NEGR1: variants seen among roughly 807,000 people sequenced by gnomAD.
NEGR1 encodes the protein IgLON family member 4.
In NEGR1, 10 loss-of-function variants were observed where a neutral mutation model predicts 40.9. The ratio of observed to expected loss-of-function variants is 0.24; its 90% CI spans 0.15 to 0.42. NEGR1 has a LOEUF of 0.42. Ranked by LOEUF, NEGR1 falls within the 10% of genes least tolerant of loss-of-function variation. The pLI is 1.00. For missense variants in NEGR1, 352 were observed against 438.9 expected (o/e 0.80, Z 1.77); for synonymous variants, 185 against 166.8 (o/e 1.11, Z -0.84).
intron 1 of NEGR1, among the ~76,000 whole-genome samples, chr1:72,099,376 AT>A (rs1450217741): frequency 5.3e-5 from 8 of 152,090 alleles, no homozygotes; most frequent in African/African-American, 1.2e-4. Flanking sequence ...GCTTAAAAAA[AT>A]ATGTACTCTT....
chr1:71,855,316 A>G (rs1168779854), intron 2 of NEGR1, among the ~76,000 whole-genome samples: 1 of 152,008 alleles, frequency 6.6e-6, no homozygotes, highest in Non-Finnish European at 1.5e-5. Context: ...TTTTTTCACC[A>G]GTGAGATTAT....
At chr1:72,000,190 T>G (rs1287754008) in intron 1 of NEGR1, among the ~76,000 whole-genome samples, 1 of 152,102 alleles carries the variant, frequency 6.6e-6, no homozygotes, top group Non-Finnish European at 1.5e-5. Context: ...TTCTATAAGC[T>G]TCCTTTAATT....
chr1:72,282,014 G>A lies in NEGR1; in HGVS notation c.176+305C>T, dbSNP rs72942952. On this transcript the variant is annotated intron_variant, in intron 1 of 6. Transcript: ENST00000357731. ...GAGTACCCCATGACAGTAAAACAGA[G>A]ACCTTGTGCATTGAGTTTCAAAGTG... Among the ~76,000 whole-genome samples the A allele has an allele frequency of 4.0e-3, 603 of 152,202 alleles. 6 individuals are homozygous for A. Among genetic ancestry groups the A allele is most frequent in the African/African-American group, 0.013 (556 of 41,534 alleles).
In NEGR1 at chr1:72,148,114, AG is replaced by A. The variant is rs545169804; in HGVS notation, c.176+134204del. On this transcript the variant is annotated intron_variant, in intron 1 of 6. Transcript: ENST00000357731. Reference sequence around the variant, plus strand: ...CTGTACCACAGTAGAGACTCTGTGTAGGGGCTCAGACTCCACATTTCCCTTC... The same window carrying A: ...CTGTACCACAGTAGAGACTCTGTGTAGGGCTCAGACTCCACATTTCCCTTC... Among the ~76,000 whole-genome samples, 172 of 152,214 alleles carry A rather than the reference AG, an allele frequency of 1.1e-3. 2 individuals are homozygous for A. In the South Asian group the frequency reaches 0.035, roughly 31 times the overall value.
At chr1:71,982,430 G>A (rs1167090657) in intron 1 of NEGR1, among the ~76,000 whole-genome samples, 4 of 152,134 alleles carry the variant, frequency 2.6e-5, no homozygotes, top group Non-Finnish European at 5.9e-5. Flanking sequence ...AATACAGCCA[G>A]CCTAGAATTC....
At chr1:71,416,228 G>T (rs188372570) in intron 6 of NEGR1, among the ~76,000 whole-genome samples, 1 of 152,254 alleles carries the variant, frequency 6.6e-6, no homozygotes, top group Non-Finnish European at 1.5e-5. Flanking sequence ...ATACATGTGG[G>T]TATGTGGGTG....
intron 6 of NEGR1, among the ~76,000 whole-genome samples, chr1:71,555,301 G>T (rs1199392909): frequency 6.6e-6 from 1 of 151,542 alleles, no homozygotes; most frequent in Non-Finnish European, 1.5e-5. Context: ...TAGTAATTGG[G>T]CTAAGCAGCA....
chr1:71,749,509 TA>T (rs1655497851), intron 3 of NEGR1, among the ~76,000 whole-genome samples: 1 of 152,116 alleles, frequency 6.6e-6, no homozygotes, highest in Admixed American at 6.5e-5. Context: ...TAGGAAAGGA[TA>T]GTTATTAATT....
In NEGR1 at chr1:72,012,856, T is replaced by C. The variant is rs866662538; in HGVS notation, c.177-77545A>G. ...ATATATACATACATATATATATATA[T>C]ACACACACACATATATATATATTTT... is the stretch of plus-strand genomic sequence containing the variant. On this transcript the variant is annotated intron_variant, in intron 1 of 6. Transcript: ENST00000357731. Among the ~76,000 whole-genome samples the C allele has an allele frequency of 2.4e-3, 325 of 135,202 alleles. 1 individual carries two copies. The highest frequency in any genetic ancestry group is 0.013 in the Middle Eastern group (3 of 234). The allele number at this position is 135,202 out of a possible 152,430, so 88.7% of individuals were successfully genotyped here.
chr1:72,159,542 T>C (rs1651479800), intron 1 of NEGR1, among the ~76,000 whole-genome samples: 1 of 152,172 alleles, frequency 6.6e-6, no homozygotes, highest in Admixed American at 6.6e-5. Flanking sequence ...TAACTTTAAA[T>C]ATTACATATA....
intron 1 of NEGR1, among the ~76,000 whole-genome samples, chr1:72,078,768 T>C (rs1647861120): frequency 1.3e-5 from 2 of 151,032 alleles, no homozygotes; most frequent in South Asian, 4.2e-4. Flanking sequence ...GCCTCCCAAA[T>C]AGCTGGGATT....
intron 1 of NEGR1, among the ~76,000 whole-genome samples, chr1:72,225,996 A>G (rs917047227): frequency 2.0e-5 from 3 of 151,902 alleles, no homozygotes; most frequent in African/African-American, 7.2e-5. Context: ...TGTCGTAGAC[A>G]AAAAACTTCA....
chr1:72,120,823 A>C (rs1367753987), intron 1 of NEGR1, among the ~76,000 whole-genome samples: 1 of 152,010 alleles, frequency 6.6e-6, no homozygotes, highest in Non-Finnish European at 1.5e-5. Context: ...TGTTTTGCTT[A>C]TGGTTTGCAA....
intron 4 of NEGR1, among the ~76,000 whole-genome samples, chr1:71,641,325 C>T (rs977971915): frequency 3.3e-5 from 5 of 151,858 alleles, no homozygotes; most frequent in African/African-American, 4.8e-5. Flanking sequence ...TGAAGACTCA[C>T]GAAAGGTTGA....
intron 6 of NEGR1, among the ~76,000 whole-genome samples, chr1:71,520,640 C>T (rs985812607): frequency 2.0e-5 from 3 of 152,064 alleles, no homozygotes; most frequent in Admixed American, 6.6e-5. Context: ...TTGCTCTTTA[C>T]ACTTAAAGGG....
chr1:71,502,844 C>A (rs578057466), intron 6 of NEGR1, among the ~76,000 whole-genome samples: 9 of 152,276 alleles, frequency 5.9e-5, no homozygotes, highest in African/African-American at 2.2e-4. Flanking sequence ...AGATATGAAA[C>A]AAGTGCAGAG....
At chr1:71,943,060 G>A (rs1645984688) in intron 1 of NEGR1, among the ~76,000 whole-genome samples, 1 of 132,382 alleles carries the variant, frequency 7.6e-6, no homozygotes, top group African/African-American at 2.8e-5. Context: ...ATATATATGT[G>A]TGTGTATATA....
chr1:71,656,482 G>A (rs1431937402), intron 4 of NEGR1, among the ~76,000 whole-genome samples: 1 of 151,994 alleles, frequency 6.6e-6, no homozygotes, highest in African/African-American at 2.4e-5. Context: ...GCGGGATCTC[G>A]GCTTACTGCA....
chr1:72,068,097 C>A (rs746745181), intron 1 of NEGR1, among the ~76,000 whole-genome samples: 1 of 152,152 alleles, frequency 6.6e-6, no homozygotes, highest in African/African-American at 2.4e-5. Flanking sequence ...CACTACATTA[C>A]TGTAACTGTT....
Sources: allele counts gnomAD v4.1 joint callset (sites outside exome capture counted in the v4.1 genomes callset), GRCh38; gene constraint gnomAD v4.1.1; transcripts MANE v1.5; gene names NCBI Gene and HGNC (gene_info 2026-07-23, HGNC 2026-07-21).